The following TPGS2 variants were observed in gnomAD, a reference collection of about 807,000 sequenced individuals.
The protein encoded by TPGS2 is tubulin polyglutamylase complex subunit 2.
A neutral mutation model predicts 31.1 loss-of-function variants in TPGS2; 26 were observed. The observed-to-expected ratio is 0.84, with a 90% CI of 0.61 to 1.16. TPGS2 has a LOEUF of 1.16. TPGS2 is among the 50% of genes most tolerant of loss of function. The probability of loss-of-function intolerance (pLI) is 0.00; values close to 1 mark genes in which losing one functional copy is unlikely to be tolerated. For synonymous variants in TPGS2, 130 were observed against 136.6 expected (o/e 0.95, Z 0.34); for missense variants, 351 against 363.8 (o/e 0.96, Z 0.29).
At chr18:36,801,665 A>C (rs1216057485) in intron 4 of TPGS2, among the ~76,000 whole-genome samples, 1 of 152,102 alleles carries the variant, frequency 6.6e-6, no homozygotes, top group East Asian at 1.9e-4. Context: ...TCTCACTTGA[A>C]TTGCTTTTAA....
intron 6 of TPGS2, among the ~76,000 whole-genome samples, chr18:36,797,835 C>T (rs1043069438): frequency 6.6e-6 from 1 of 151,834 alleles, no homozygotes; most frequent in Non-Finnish European, 1.5e-5. Flanking sequence ...GTGACCAGAC[C>T]TGTAATATAA....
Position 36,795,766 on chromosome 18 carries a change from C to T in TPGS2, c.*1039G>A. ...GGAACTCTTGGAAGCCCACCCTGTT[C>T]TAAGCAGGAGACTGCTTGTCCTAAG... On this transcript the variant is annotated 3_prime_UTR_variant, in exon 7 of 7. Transcript: ENST00000334295. The T allele has an allele frequency of 1.0e-6, 1 of 985,436 alleles. No individual in the cohort carries two copies. The highest frequency in any genetic ancestry group is 4.7e-5 in the South Asian group (1 of 21,290). The allele number at this position is 985,436 out of a possible 1,614,324, so 61.0% of individuals were successfully genotyped here.
downstream of TPGS2, among the ~76,000 whole-genome samples, chr18:36,793,704 G>A (rs1446084178): frequency 6.6e-6 from 1 of 151,744 alleles, no homozygotes; most frequent in Non-Finnish European, 1.5e-5. Flanking sequence ...TAATTTTGGT[G>A]ATTCTGCATG....
At chr18:36,786,551 A>G (rs2044133825) in intron 6 of TPGS2, 1 of 243,154 alleles carries the variant, frequency 4.1e-6, no homozygotes, top group African/African-American at 2.2e-5. Flanking sequence ...GGAGGGGTGC[A>G]TGACTTAACC....
At chr18:36,819,029 T>C in intron 1 of TPGS2, 56 bp from the exon 2 acceptor site, 1 of 1,433,350 alleles carries the variant, frequency 7.0e-7, no homozygotes, top group Non-Finnish European at 9.7e-7. Context: ...CATACATTTC[T>C]ACGCTAGTTG....
chr18:36,786,322 G>T (rs1325275205), intron 6 of TPGS2, among the ~76,000 whole-genome samples: 1 of 152,168 alleles, frequency 6.6e-6, no homozygotes, highest in Non-Finnish European at 1.5e-5. Context: ...CCAGGTTCAC[G>T]CCATTCTCCT....
Position 36,795,300 on chromosome 18 carries a change from A to G in TPGS2, c.*1505T>C, listed in dbSNP as rs922595766. On this transcript the variant is annotated 3_prime_UTR_variant, in exon 7 of 7. Transcript: ENST00000334295. ...ACCCTGGGTCGATTAGCAGGTAGAC[A>G]GTGCAAAGGAAGGAAGTCTGGCCAA... The G allele has an allele frequency of 6.1e-6, 6 of 985,440 alleles. No individual in the cohort carries two copies. The highest frequency in any genetic ancestry group is 7.2e-6 in the Non-Finnish European group (6 of 830,026). The allele number at this position is 985,440 out of a possible 1,614,324, so 61.0% of individuals were successfully genotyped here.
chr18:36,800,341 C>A, intron 4 of TPGS2, 30 bp from the exon 5 acceptor site: 1 of 1,598,024 alleles, frequency 6.3e-7, no homozygotes, highest in South Asian at 1.1e-5. Context: ...TGGTAATGTT[C>A]AAACAAACTC....
At chr18:36,806,377 G>A (rs750089794) in intron 3 of TPGS2, among the ~76,000 whole-genome samples, 2 of 152,106 alleles carry the variant, frequency 1.3e-5, no homozygotes, top group Non-Finnish European at 2.9e-5. Flanking sequence ...CAAGGATGTG[G>A]GCCAGGGAAA....
At position 36,794,970 on chromosome 18, in the gene TPGS2, T is replaced by C. The variant is rs1600737245; in HGVS notation, c.*1835A>G. The C allele has an allele frequency of 1.0e-6, 1 of 985,308 alleles. No individual in the cohort carries two copies. The highest frequency in any genetic ancestry group is 1.1e-4 in the East Asian group (1 of 8,808). 61.0% of individuals were successfully genotyped at this position (985,308 alleles called of 1,614,324 possible). ...GCTATTTTAAAGCAAATGAAGAAGC[T>C]GTTAATACGAAGCTCAGTTTATGCT... On this transcript the variant is annotated 3_prime_UTR_variant, in exon 7 of 7. Transcript: ENST00000334295.
In TPGS2 at chr18:36,828,935, G is replaced by A. The variant is rs1405693404; in HGVS notation, c.-168C>T. 4.1e-6 allele frequency: 4 copies of A among 983,382 alleles called. No homozygotes were observed. Among genetic ancestry groups the A allele is most frequent in the Non-Finnish European group, 5.8e-6 (4 of 695,294 alleles). The allele number at this position is 983,382 out of a possible 1,614,324, so 60.9% of individuals were successfully genotyped here. A position where few individuals can be genotyped will look rare whatever the true frequency, so the allele number is the denominator to read the frequency against. ...TTGGTCTGACAGCAGCAGCTCCGTG[G>A]GGCGCCGGTTCCCGCGGCCCCGCCC... On this transcript the variant is annotated 5_prime_UTR_variant, in exon 1 of 7. Coordinates refer to ENST00000334295, the MANE Select transcript of TPGS2 (RefSeq NM_015476.4).
chr18:36,798,559 G>A lies in TPGS2; in HGVS notation c.547C>T (p.His183Tyr), dbSNP rs753548628. ...GCAGTAAAGGTGTCTGTGAGAAAATGCCAGTATAACGCTCTGTCCAGGAAC... is the reference window on the plus strand; with the variant it reads ...GCAGTAAAGGTGTCTGTGAGAAAATACCAGTATAACGCTCTGTCCAGGAAC... ...IWFLDRALYW[H>Y]FLTDTFTAYY... is the part of the protein sequence containing the mutation. Residue 183 changes from histidine (H) to tyrosine (Y), a missense_variant, in exon 6 of 7, where the codon CAT becomes TAT. His to Tyr is a moderately conservative substitution (Grantham distance 83). Transcript: ENST00000334295. The A allele has an allele frequency of 1.9e-6, 3 of 1,614,204 alleles. No individual in the cohort carries two copies. Among genetic ancestry groups the A allele is most frequent in the Admixed American group, 3.3e-5 (2 of 60,026 alleles).
chr18:36,809,193 T>C (rs1408510627), intron 2 of TPGS2, among the ~76,000 whole-genome samples: 2 of 152,042 alleles, frequency 1.3e-5, no homozygotes, highest in Admixed American at 1.3e-4. Context: ...TGAATCTAGG[T>C]TCAAGAATAA....
At chr18:36,824,589 T>G (rs371357387) in intron 1 of TPGS2, among the ~76,000 whole-genome samples, 1 of 152,228 alleles carries the variant, frequency 6.6e-6, no homozygotes, top group East Asian at 1.9e-4. Context: ...GAAATCTCAT[T>G]ATGGTTTTGA....
At chr18:36,806,431 G>T (rs1419863607) in intron 3 of TPGS2, among the ~76,000 whole-genome samples, 1 of 152,172 alleles carries the variant, frequency 6.6e-6, no homozygotes, top group Admixed American at 6.5e-5. Context: ...TGTTGCTCCA[G>T]ACACCAAAAG....
downstream of TPGS2, among the ~76,000 whole-genome samples, chr18:36,790,856 G>C (rs1358862588): frequency 6.6e-6 from 1 of 152,124 alleles, no homozygotes; most frequent in East Asian, 1.9e-4. Flanking sequence ...CTGATTTTAG[G>C]TTTATTAATA....
At chr18:36,781,765 C>T, downstream of TPGS2, 1 of 985,440 alleles carries the variant, frequency 1.0e-6, no homozygotes, top group Non-Finnish European at 1.2e-6. Context: ...GGCCTCTGTG[C>T]CTGTGTTCCC....
intron 4 of TPGS2, among the ~76,000 whole-genome samples, chr18:36,803,933 G>T (rs2150589136): frequency 6.6e-6 from 1 of 151,924 alleles, no homozygotes. Context: ...ATTTTGCCCA[G>T]GCTAGAGTGT....
In TPGS2 at chr18:36,795,296, A is replaced by G; in HGVS notation, c.*1509T>C. On this transcript the variant is annotated 3_prime_UTR_variant, in exon 7 of 7. Coordinates refer to ENST00000334295, the MANE Select transcript of TPGS2 (RefSeq NM_015476.4). Reference sequence around the variant, plus strand: ...GGAAACCCTGGGTCGATTAGCAGGTAGACAGTGCAAAGGAAGGAAGTCTGG... The same window carrying G: ...GGAAACCCTGGGTCGATTAGCAGGTGGACAGTGCAAAGGAAGGAAGTCTGG... The G allele has an allele frequency of 1.0e-6, 1 of 985,564 alleles. No individual in the cohort carries two copies. The highest frequency in any genetic ancestry group is 1.2e-6 in the Non-Finnish European group (1 of 830,034). 61.1% of individuals were successfully genotyped at this position (985,564 alleles called of 1,614,324 possible).
Sources: gnomAD v4.1 joint callset for allele counts (sites outside exome capture counted in the v4.1 genomes callset) on GRCh38, gnomAD v4.1.1 for gene constraint, MANE v1.5 for transcripts, NCBI Gene and HGNC (gene_info 2026-07-23, HGNC 2026-07-21) for gene names.